SLC38A8: variants seen among roughly 807,000 people sequenced by gnomAD.
SLC38A8 encodes amino acid transporter SLC38A8.
Under a neutral mutation model 46.0 loss-of-function variants are expected in SLC38A8, and 65 were observed. The observed-to-expected ratio is 1.41, with a 90% CI of 1.16 to 1.74. The LOEUF (loss-of-function observed/expected upper bound fraction) is 1.74. Ranked by LOEUF, SLC38A8 falls within the 40% of genes most tolerant of loss-of-function variation. SLC38A8 has a pLI of 0.00. For synonymous variants in SLC38A8, 447 were observed against 243.7 expected (o/e 1.83, Z -7.77); for missense variants, 998 against 567.9 (o/e 1.76, Z -7.70).
chr16:84,015,576 G>GC (rs1348687351), intron 9 of SLC38A8, among the ~76,000 whole-genome samples: 1 of 2,630 alleles, frequency 3.8e-4, no homozygotes, highest in East Asian at 0.25. Context: ...TGTGCCCCCG[G>GC]CGGGGGTTCA....
chr16:84,024,692 A>C (rs2085140839), intron 6 of SLC38A8, among the ~76,000 whole-genome samples: 1 of 152,022 alleles, frequency 6.6e-6, no homozygotes, highest in African/African-American at 2.4e-5. Flanking sequence ...AAGGCAGGAG[A>C]GTCGCTCAAG....
intron 9 of SLC38A8, among the ~76,000 whole-genome samples, chr16:84,014,072 C>T (rs2084993257): frequency 1.3e-5 from 2 of 151,704 alleles, no homozygotes; most frequent in South Asian, 4.2e-4. Flanking sequence ...CTCTGAAAGG[C>T]CCGCCCAGAG....
At chr16:84,011,976 G>T (rs577254548) in intron 10 of SLC38A8, among the ~76,000 whole-genome samples, 1 of 152,188 alleles carries the variant, frequency 6.6e-6, no homozygotes, top group South Asian at 2.1e-4. Flanking sequence ...CTGGAGTGAT[G>T]TAGCCACAGG....
chr16:84,029,612 C>T lies in SLC38A8; in HGVS notation c.633-61G>A, dbSNP rs964507018. On this transcript the variant is annotated intron_variant, in intron 5 of 10. Coordinates refer to ENST00000299709, the MANE Select transcript of SLC38A8 (RefSeq NM_001080442.3). ...GGGTCACACCCGGAACAACCTGCGG[C>T]TGCAATGGTGAATTTTAAAGGATGC... is the stretch of plus-strand genomic sequence containing the variant. 8 of 1,527,666 alleles carry T rather than the reference C, an allele frequency of 5.2e-6. No homozygotes were observed. The Admixed American group carries it at 8.7e-5, about 17-fold the overall frequency. 94.6% of individuals were successfully genotyped at this position (1,527,666 alleles called of 1,614,324 possible). A position where few individuals can be genotyped will look rare whatever the true frequency, so the allele number is the denominator to read the frequency against.
chr16:84,014,761 A>G (rs2085005044), intron 9 of SLC38A8, among the ~76,000 whole-genome samples: 1 of 152,210 alleles, frequency 6.6e-6, no homozygotes, highest in East Asian at 1.9e-4. Flanking sequence ...GACTACATCA[A>G]AGACAACCCC....
chr16:84,037,185 A>G (rs1324767347), intron 2 of SLC38A8, among the ~76,000 whole-genome samples: 1 of 152,204 alleles, frequency 6.6e-6, no homozygotes, highest in Non-Finnish European at 1.5e-5. Context: ...GGGATAAATG[A>G]GACATCAGAA....
At chr16:84,012,705 G>T (rs1471643884) in intron 10 of SLC38A8, among the ~76,000 whole-genome samples, 5 of 152,206 alleles carry the variant, frequency 3.3e-5, no homozygotes, top group Admixed American at 6.5e-5. Flanking sequence ...GGTAACAAAG[G>T]AGGGTACAGA....
intron 4 of SLC38A8, among the ~76,000 whole-genome samples, chr16:84,032,592 G>C (rs929241536): frequency 3.9e-5 from 6 of 152,242 alleles, no homozygotes; most frequent in Non-Finnish European, 4.4e-5. Flanking sequence ...GCCTAAGGCA[G>C]GACGCCAGCA....
intron 7 of SLC38A8, among the ~76,000 whole-genome samples, chr16:84,020,733 T>C (rs1320604774): frequency 2.0e-5 from 3 of 152,202 alleles, no homozygotes; most frequent in African/African-American, 7.2e-5. Flanking sequence ...CCTCTGAGCC[T>C]GTGATGGGAG....
chr16:84,026,108 G>T (rs931420001), intron 6 of SLC38A8, among the ~76,000 whole-genome samples: 4 of 152,268 alleles, frequency 2.6e-5, no homozygotes, highest in Non-Finnish European at 4.4e-5. Flanking sequence ...GCAGCTCTGC[G>T]TATAGGGGCA....
intron 7 of SLC38A8, among the ~76,000 whole-genome samples, chr16:84,018,335 C>A (rs1597254472): frequency 6.6e-6 from 1 of 150,734 alleles, no homozygotes; most frequent in Admixed American, 6.6e-5. Context: ...TGGGTTCACG[C>A]CATTCTCCTG....
At chr16:84,021,103 C>A (rs1002488778) in intron 7 of SLC38A8, among the ~76,000 whole-genome samples, 1 of 152,060 alleles carries the variant, frequency 6.6e-6, no homozygotes, top group Admixed American at 6.6e-5. Context: ...ATTCTTGTTG[C>A]CCAGGCTGGA....
At chr16:84,022,937 AGGCGATGCG>A in intron 6 of SLC38A8, 48 bp from the exon 7 acceptor site, 1 of 1,411,098 alleles carries the variant, frequency 7.1e-7, no homozygotes, top group Admixed American at 2.7e-5. Context: ...CCCCTGGAAC[AGGCGATGCG>A]AAAAAAAACT....
intron 3 of SLC38A8, among the ~76,000 whole-genome samples, chr16:84,035,565 A>G (rs1039418609): frequency 3.3e-5 from 5 of 152,354 alleles, no homozygotes; most frequent in Admixed American, 1.3e-4. Context: ...ATCCCAAGCC[A>G]TTCTCAGGCT....
Position 84,016,669 on chromosome 16 carries a change from G to A in SLC38A8, c.1012C>T (p.Leu338=), listed in dbSNP as rs754474678. 6.2e-7 allele frequency: 1 copy of A among 1,613,592 alleles called. No homozygotes were observed. Among genetic ancestry groups the A allele is most frequent in the Non-Finnish European group, 8.5e-7 (1 of 1,180,022 alleles). The change falls in exon 9 of 11, where the codon CTG becomes TTG. Residue 338 remains leucine (L), a synonymous_variant. Coordinates refer to ENST00000299709, the MANE Select transcript of SLC38A8 (RefSeq NM_001080442.3). The part of the protein sequence containing the change: ...SCLGGWGPSA[L]ADPSGLWVRM... The stretch of plus-strand genomic sequence containing the variant: ...ACCCACAGCCCTGAGGGGTCGGCCA[G>A]GGCGCTGGGCCCCCATCCCCCCAAG...
chr16:84,014,565 C>A (rs1328133361), intron 9 of SLC38A8, among the ~76,000 whole-genome samples: 2 of 151,944 alleles, frequency 1.3e-5, no homozygotes, highest in Non-Finnish European at 2.9e-5. Context: ...AAAAGTTCCA[C>A]CCAGAACCTG....
intron 5 of SLC38A8, 53 bp from the exon 6 acceptor site, chr16:84,029,604 AC>A: frequency 6.4e-7 from 1 of 1,567,722 alleles, no homozygotes. Flanking sequence ...ACCCGGAACA[AC>A]CTGCGGCTGC....
chr16:84,012,301 T>C (rs1286374900), intron 10 of SLC38A8, among the ~76,000 whole-genome samples: 1 of 152,186 alleles, frequency 6.6e-6, no homozygotes, highest in Non-Finnish European at 1.5e-5. Context: ...CTTCCGTGGG[T>C]CAGACTCAGC....
intron 1 of SLC38A8, 67 bp downstream of exon 1, chr16:84,042,484 T>G: frequency 1.4e-5 from 3 of 207,358 alleles, no homozygotes; most frequent in Non-Finnish European, 1.9e-5. Flanking sequence ...CTCCCCCCAT[T>G]CCCATCCACT....
Sources: gnomAD v4.1 joint callset for allele counts (sites outside exome capture counted in the v4.1 genomes callset) on GRCh38, gnomAD v4.1.1 for gene constraint, MANE v1.5 for transcripts, NCBI Gene and HGNC (gene_info 2026-07-23, HGNC 2026-07-21) for gene names.